Variants in SAMD4B observed in about 807,000 individuals in gnomAD.
SAMD4B encodes sterile alpha motif domain containing 4B, also known as protein Smaug homolog 2.
In SAMD4B, 5 loss-of-function variants were observed where a neutral mutation model predicts 74.5. The observed-to-expected ratio is 0.07, with a 90% CI of 0.04 to 0.14. The LOEUF is 0.14. Among genes scored for constraint, SAMD4B ranks in the 10% least tolerant of loss-of-function variants. The probability of loss-of-function intolerance (pLI) is 1.00; values close to 1 mark genes in which losing one functional copy is unlikely to be tolerated. For synonymous variants in SAMD4B, 373 were observed against 374.9 expected (o/e 1.00, Z 0.06); for missense variants, 608 against 921.8 (o/e 0.66, Z 4.41).
At chr19:39,386,113 G>A (rs780021152), downstream of SAMD4B, 21 of 1,613,946 alleles carry the variant, frequency 1.3e-5, 1 homozygote, top group Middle Eastern at 3.3e-4. The surrounding 1 kb of genome is among the most constrained non-coding windows in gnomAD (Gnocchi z 6.1). Context: ...CTCCGGCTCC[G>A]CTGGCCACCC....
intron 3 of SAMD4B, among the ~76,000 whole-genome samples, chr19:39,358,102 G>C (rs7250420): frequency 0.16 from 24,720 of 151,910 alleles, 3,782 homozygotes; most frequent in African/African-American, 0.41. Flanking sequence ...AAAACCCCGT[G>C]TCTATTAAAA....
rs749912801 is a variant in SAMD4B, at chr19:39,375,902, C to A, written c.907+13C>A. On this transcript the variant is annotated intron_variant, in intron 5 of 13. Coordinates refer to ENST00000610417, the MANE Select transcript of SAMD4B (RefSeq NM_001384574.2). This position sits in a 1 kb window ranked among gnomAD's most constrained non-coding sequence, Gnocchi z 4.1. ...AGTGGCATGAAAGGTACATTGGGGA[C>A]AGCAGCACCAGGACCCTTTTCCAGG... 7 of 1,598,232 alleles carry A rather than the reference C, an allele frequency of 4.4e-6. No homozygotes were observed. The South Asian group carries it at 7.7e-5, about 18-fold the overall frequency.
chr19:39,357,876 T>G, intron 3 of SAMD4B, among the ~76,000 whole-genome samples: 1 of 152,190 alleles, frequency 6.6e-6, no homozygotes, highest in African/African-American at 2.4e-5. Context: ...TTGTCCAAAT[T>G]AGTCACCCTA....
intron 3 of SAMD4B, chr19:39,369,304 G>T (rs1168723911): frequency 2.2e-5 from 7 of 312,478 alleles, no homozygotes; most frequent in Non-Finnish European, 4.3e-5. Flanking sequence ...TAGGAGTGGG[G>T]GACCACCAGG....
Position 39,377,796 on chromosome 19 carries a change from C to T in SAMD4B, c.1416C>T (p.Pro472=), listed in dbSNP as rs774389087. 6.2e-6 allele frequency: 10 copies of T among 1,608,002 alleles called. No homozygotes were observed. In the Middle Eastern group the frequency reaches 8.3e-4, roughly 133 times the overall value. Residue 472 remains proline, a synonymous_variant, in exon 8 of 14, where the codon CCC becomes CCT. Transcript: ENST00000610417. Reference sequence around the variant, plus strand: ...CTCCCGTCGCCGACGGAGACATCCCCAGCCAGTTTACACGGGTGATGGGCA... The same window carrying T: ...CTCCCGTCGCCGACGGAGACATCCCTAGCCAGTTTACACGGGTGATGGGCA... ...APAPVADGDI[P]SQFTRVMGKV... is the part of the protein sequence containing the mutation.
rs1490516390 is a variant in SAMD4B, at chr19:39,362,822, G to A, written c.196+5733G>A. Among the ~76,000 whole-genome samples the A allele has an allele frequency of 2.0e-5, 3 of 152,030 alleles. No individual in the cohort carries two copies. The East Asian group carries it at 5.8e-4, about 29-fold the overall frequency. ...TCTGAGTCAGTCCCCATATCTAGCA[G>A]GTTTAAACTCCTCCCTCTCTGGCTC... On this transcript the variant is annotated intron_variant, in intron 3 of 13. Transcript: ENST00000610417.
chr19:39,372,640 A>T (rs1486321970), intron 4 of SAMD4B, among the ~76,000 whole-genome samples: 7 of 152,096 alleles, frequency 4.6e-5, no homozygotes, highest in Non-Finnish European at 5.9e-5. Flanking sequence ...TGTTTTTGTC[A>T]TTCTCATGCT....
downstream of SAMD4B, chr19:39,388,820 C>A: frequency 6.2e-7 from 1 of 1,614,158 alleles, no homozygotes; most frequent in South Asian, 1.1e-5. Flanking sequence ...TCCTTGGGGG[C>A]TGGGTCTGAG....
intron 3 of SAMD4B, among the ~76,000 whole-genome samples, chr19:39,361,095 A>C (rs1482281643): frequency 6.6e-6 from 1 of 152,162 alleles, no homozygotes; most frequent in Non-Finnish European, 1.5e-5. Context: ...GGTACTTTCC[A>C]GGTACTTCTT....
At chr19:39,372,665 C>T (rs1182833713) in intron 4 of SAMD4B, among the ~76,000 whole-genome samples, 1 of 152,134 alleles carries the variant, frequency 6.6e-6, no homozygotes, top group African/African-American at 2.4e-5. Flanking sequence ...CCAGCCTCCA[C>T]CCCAGTGCGG....
At chr19:39,388,658 T>C (rs764111149), downstream of SAMD4B, 1 of 1,614,148 alleles carries the variant, frequency 6.2e-7, no homozygotes, top group East Asian at 2.2e-5. Flanking sequence ...ACTGGTTCCC[T>C]TCCTCATCCA....
intron 3 of SAMD4B, among the ~76,000 whole-genome samples, chr19:39,361,386 G>C (rs2076637419): frequency 6.6e-6 from 1 of 152,050 alleles, no homozygotes; most frequent in African/African-American, 2.4e-5. Flanking sequence ...GGAGGCCGAG[G>C]CAGGCGGATC....
intron 9 of SAMD4B, 33 bp from the exon 10 acceptor site, chr19:39,379,933 C>A: frequency 6.5e-7 from 1 of 1,528,446 alleles, no homozygotes; most frequent in Non-Finnish European, 9.0e-7. Context: ...AAGCATCACC[C>A]TCTCTGCTTC....
chr19:39,390,220 C>G (rs1242797586), downstream of SAMD4B: 2 of 1,613,610 alleles, frequency 1.2e-6, no homozygotes. Context: ...CTCCCAGCCC[C>G]ACTGCCCCAC....
At chr19:39,362,496 C>T (rs1003285712) in intron 3 of SAMD4B, among the ~76,000 whole-genome samples, 1 of 152,154 alleles carries the variant, frequency 6.6e-6, no homozygotes, top group African/African-American at 2.4e-5. Flanking sequence ...GGACATGAGG[C>T]GCAACACCTA....
downstream of SAMD4B, chr19:39,388,910 T>C (rs768827037): frequency 6.8e-6 from 11 of 1,610,184 alleles, no homozygotes; most frequent in Admixed American, 3.3e-5. Flanking sequence ...CAGGCACAAA[T>C]AGGCTGTCCC....
At chr19:39,389,369 G>A (rs758816904), downstream of SAMD4B, 1 of 1,613,910 alleles carries the variant, frequency 6.2e-7, no homozygotes, top group African/African-American at 1.3e-5. The surrounding 1 kb of genome is among the most constrained non-coding windows in gnomAD (Gnocchi z 5.3). Flanking sequence ...CACCACCTTC[G>A]CGTGCTGCTG....
At chr19:39,368,613 C>T (rs1233694324) in intron 3 of SAMD4B, among the ~76,000 whole-genome samples, 3 of 152,128 alleles carry the variant, frequency 2.0e-5, no homozygotes, top group Non-Finnish European at 2.9e-5. Context: ...AACTCCTGGT[C>T]AGGAACATGA....
intron 3 of SAMD4B, among the ~76,000 whole-genome samples, chr19:39,359,076 C>T (rs759754375): frequency 5.2e-4 from 79 of 152,174 alleles, no homozygotes; most frequent in Non-Finnish European, 9.7e-4. Flanking sequence ...GCAGCAGGCT[C>T]GGAGCTCAGC....
Sources: gnomAD v4.1 joint callset for allele counts (sites outside exome capture counted in the v4.1 genomes callset) on GRCh38, gnomAD v4.1.1 for gene constraint, Gnocchi (gnomAD v3.1) non-coding constraint, MANE v1.5 for transcripts, NCBI Gene and HGNC (gene_info 2026-07-23, HGNC 2026-07-21) for gene names.